The following NCKAP5 variants were observed in gnomAD, a reference collection of about 807,000 sequenced individuals.
The protein encoded by NCKAP5 is nck-associated protein 5.
In NCKAP5, 92 loss-of-function variants were observed where a neutral mutation model predicts 167.0. The observed-to-expected ratio is 0.55, with a 90% confidence interval of 0.47 to 0.66. The LOEUF (loss-of-function observed/expected upper bound fraction) is 0.66. Among genes scored for constraint, NCKAP5 ranks in the 30% least tolerant of loss-of-function variants. NCKAP5 has a pLI of 0.00. For missense variants in NCKAP5, 2,378 were observed against 2,315.0 expected, an observed-to-expected ratio of 1.03 and a Z score of -0.56; for synonymous variants, 891 against 877.4, an observed-to-expected ratio of 1.02 and a Z score of -0.27.
chr2:133,430,566 G>A (rs978131508), intron 3 of NCKAP5, among the ~76,000 whole-genome samples: 4 of 151,970 alleles, frequency 2.6e-5, no homozygotes, highest in African/African-American at 9.7e-5. Flanking sequence ...GAGAGGTAGG[G>A]GTCCAGTTTC....
intron 3 of NCKAP5, among the ~76,000 whole-genome samples, chr2:133,355,789 C>T (rs763728515): frequency 1.3e-5 from 2 of 152,108 alleles, no homozygotes; most frequent in East Asian, 1.9e-4. Flanking sequence ...TCAAACCTTG[C>T]GTGTGGAGTA....
intron 16 of NCKAP5, among the ~76,000 whole-genome samples, chr2:132,767,957 G>A (rs899727977): frequency 6.6e-5 from 10 of 152,182 alleles, no homozygotes; most frequent in African/African-American, 2.4e-4. Context: ...GAGCATCAGG[G>A]TTAGACCATG....
At chr2:132,960,373 C>T (rs866874881) in intron 8 of NCKAP5, among the ~76,000 whole-genome samples, 5 of 152,166 alleles carry the variant, frequency 3.3e-5, no homozygotes, top group East Asian at 1.9e-4. Flanking sequence ...GAGCTGGCCA[C>T]GTTCTAAGGC....
chr2:132,842,183 A>T (rs1174132347), intron 11 of NCKAP5, among the ~76,000 whole-genome samples: 1 of 152,096 alleles, frequency 6.6e-6, no homozygotes, highest in East Asian at 1.9e-4. Flanking sequence ...TACAGTTTAC[A>T]TTTTGCTAGG....
chr2:133,291,051 G>C (rs1679560506), intron 4 of NCKAP5, among the ~76,000 whole-genome samples: 1 of 152,108 alleles, frequency 6.6e-6, no homozygotes, highest in Non-Finnish European at 1.5e-5. Context: ...AACAGTCCCT[G>C]TAAAGTCTCA....
intron 5 of NCKAP5, among the ~76,000 whole-genome samples, chr2:133,156,506 G>A (rs1330775153): frequency 6.6e-6 from 1 of 152,108 alleles, no homozygotes; most frequent in Non-Finnish European, 1.5e-5. Context: ...CTTAAAAATT[G>A]TATATGCCTT....
At chr2:133,108,539 C>CAATG (rs1366126790) in intron 6 of NCKAP5, among the ~76,000 whole-genome samples, 1 of 152,182 alleles carries the variant, frequency 6.6e-6, no homozygotes, top group African/African-American at 2.4e-5. Context: ...TTAGCCTTTC[C>CAATG]TTACATAAAA....
intron 3 of NCKAP5, among the ~76,000 whole-genome samples, chr2:133,509,577 T>C (rs916413721): frequency 1.3e-5 from 2 of 152,220 alleles, no homozygotes; most frequent in African/African-American, 4.8e-5. Context: ...GCTTTTTCTA[T>C]GTGTCAGACT....
intron 5 of NCKAP5, among the ~76,000 whole-genome samples, chr2:133,162,469 T>A (rs531354505): frequency 6.6e-6 from 1 of 152,266 alleles, no homozygotes; most frequent in African/African-American, 2.4e-5. Context: ...GAAACATATT[T>A]GTTTTTGAAA....
At chr2:133,619,288 T>TA in the NCKAP5 span, among the ~76,000 whole-genome samples, 93,406 of 148,790 alleles carry the variant, frequency 0.63, 30,513 homozygotes, top group Middle Eastern at 0.78. Context: ...ACATGTACCC[T>TA]AAACTTAAAG....
intron 2 of NCKAP5, among the ~76,000 whole-genome samples, chr2:133,522,881 AAAG>A (rs1684586166): frequency 1.3e-5 from 2 of 152,240 alleles, no homozygotes; most frequent in Non-Finnish European, 2.9e-5. Flanking sequence ...TCTGGTTATA[AAAG>A]AATACATATA....
chr2:133,441,454 T>C (rs185829127), intron 3 of NCKAP5, among the ~76,000 whole-genome samples: 1 of 152,304 alleles, frequency 6.6e-6, no homozygotes, highest in Non-Finnish European at 1.5e-5. Flanking sequence ...GCAGATGGAC[T>C]AGGTCAGCAA....
chr2:132,673,464 A>C (rs1421238865), intron 19 of NCKAP5, among the ~76,000 whole-genome samples, 159 bp from the exon 20 acceptor site: 2 of 152,186 alleles, frequency 1.3e-5, no homozygotes, highest in Non-Finnish European at 2.9e-5. Context: ...TGTAATAATA[A>C]AGCCAATTTT....
chr2:132,886,631 G>C (rs1335138932), intron 8 of NCKAP5, among the ~76,000 whole-genome samples: 1 of 152,186 alleles, frequency 6.6e-6, no homozygotes, highest in African/African-American at 2.4e-5. Context: ...CTTTTCAAAA[G>C]TATAGGCCAG....
chr2:132,904,463 G>A (rs1693863980), intron 8 of NCKAP5, among the ~76,000 whole-genome samples: 1 of 151,994 alleles, frequency 6.6e-6, no homozygotes, highest in Non-Finnish European at 1.5e-5. Context: ...TTTGCTGCAA[G>A]GATTATGCTT....
At chr2:133,323,411 A>G (rs1262721605) in intron 3 of NCKAP5, among the ~76,000 whole-genome samples, 1 of 152,200 alleles carries the variant, frequency 6.6e-6, no homozygotes, top group Non-Finnish European at 1.5e-5. Context: ...CTATTTCAGC[A>G]TCTCAGGGTT....
chr2:133,504,519 C>A (rs988405402), intron 3 of NCKAP5, among the ~76,000 whole-genome samples: 2 of 151,714 alleles, frequency 1.3e-5, no homozygotes, highest in African/African-American at 4.8e-5. Flanking sequence ...ATAAGAGAAC[C>A]CTGATGTTTC....
At chr2:133,355,767 A>C (rs1466940383) in intron 3 of NCKAP5, among the ~76,000 whole-genome samples, 1 of 152,166 alleles carries the variant, frequency 6.6e-6, no homozygotes, top group Non-Finnish European at 1.5e-5. Flanking sequence ...GACCTAGGAA[A>C]GCATAGTTTC....
rs77857211 is a variant in NCKAP5 at position 133,165,352 on chromosome 2, C to T, written c.208-35241G>A. Among the ~76,000 whole-genome samples, 715 of 152,288 alleles carry T rather than the reference C, an allele frequency of 4.7e-3. 2 individuals carry two copies. Among genetic ancestry groups the T allele is most frequent in the African/African-American group, 0.016 (669 of 41,556 alleles). On this transcript the variant is annotated intron_variant, in intron 5 of 19. Transcript: ENST00000409261. Reference sequence around the variant, plus strand: ...CACAGCCTGCAACCCAGCTTTTCTCCTCCTGGGTACCTTCAAGAAACTCCT... The same window carrying T: ...CACAGCCTGCAACCCAGCTTTTCTCTTCCTGGGTACCTTCAAGAAACTCCT...
Sources: allele counts gnomAD v4.1 joint callset (sites outside exome capture counted in the v4.1 genomes callset), GRCh38; gene constraint gnomAD v4.1.1; transcripts MANE v1.5; gene names NCBI Gene and HGNC (gene_info 2026-07-23, HGNC 2026-07-21).